Variants in FOXP1 observed in about 807,000 individuals in gnomAD.
FOXP1 encodes the protein forkhead box protein P1.
Under a neutral mutation model 98.2 loss-of-function variants are expected in FOXP1, and 15 were observed. That is an observed-to-expected ratio of 0.15 (90% CI 0.10 to 0.24). FOXP1 has a LOEUF of 0.24. FOXP1 is among the 10% of genes least tolerant of loss of function. FOXP1 has a pLI of 1.00. For synonymous variants in FOXP1, 371 were observed against 314.5 expected (o/e 1.18, Z -1.90); for missense variants, 633 against 848.5 (o/e 0.75, Z 3.15).
intron 3 of FOXP1, among the ~76,000 whole-genome samples, chr3:71,388,576 A>G (rs1393214639): frequency 6.6e-6 from 1 of 152,220 alleles, no homozygotes; most frequent in Non-Finnish European, 1.5e-5. Flanking sequence ...CCTGTTGACT[A>G]TTAGGGCTTT....
chr3:71,393,679 T>C (rs1486244666), intron 3 of FOXP1, among the ~76,000 whole-genome samples: 2 of 152,208 alleles, frequency 1.3e-5, no homozygotes, highest in African/African-American at 4.8e-5. Flanking sequence ...TGCAAAATTC[T>C]CTAAACTTAA....
At chr3:71,314,994 G>A (rs551462640) in intron 4 of FOXP1, among the ~76,000 whole-genome samples, 5 of 144,446 alleles carry the variant, frequency 3.5e-5, no homozygotes, top group Non-Finnish European at 7.5e-5. Context: ...TGGCTGAACT[G>A]TGCCTCAGAA....
chr3:71,063,437 C>CA (rs2051825943), intron 7 of FOXP1, among the ~76,000 whole-genome samples: 2 of 152,254 alleles, frequency 1.3e-5, no homozygotes, highest in Admixed American at 1.3e-4. Context: ...TTGGCAGTGA[C>CA]ATGCTAGCTT....
chr3:71,174,022 C>G (rs2061788214), intron 6 of FOXP1, among the ~76,000 whole-genome samples: 1 of 152,170 alleles, frequency 6.6e-6, no homozygotes, highest in Non-Finnish European at 1.5e-5. Flanking sequence ...TATGCATGGT[C>G]TAGGAAGGGT....
At chr3:70,970,428 T>A in intron 19 of FOXP1, 1 of 412,566 alleles carries the variant, frequency 2.4e-6, no homozygotes, top group South Asian at 2.2e-5. Flanking sequence ...CTAGAGTAAT[T>A]ACACTTGTGG....
chr3:70,996,498 C>T (rs1199952336), intron 13 of FOXP1, among the ~76,000 whole-genome samples: 2 of 152,224 alleles, frequency 1.3e-5, no homozygotes, highest in East Asian at 3.8e-4. Flanking sequence ...CCACTATCCC[C>T]TATGGCTAAC....
chr3:71,337,954 C>A lies in FOXP1; in HGVS notation c.-73+21196G>T, dbSNP rs61746309. Among the ~76,000 whole-genome samples, 1,035 of 152,300 alleles carry A rather than the reference C, an allele frequency of 6.8e-3. 30 individuals carry two copies. Among genetic ancestry groups the A allele is most frequent in the Non-Finnish European group, 3.9e-3 (264 of 68,038 alleles). The stretch of plus-strand genomic sequence containing the variant: ...TACACAAGGAGGACGAGGAAGCGCT[C>A]GTTTCACAGGGCTGGACATCCTTAG... On this transcript the variant is annotated intron_variant, in intron 4 of 20. Transcript: ENST00000649528.
intron 12 of FOXP1, among the ~76,000 whole-genome samples, chr3:71,005,329 A>AAG (rs2042644023): frequency 6.7e-6 from 1 of 149,280 alleles, no homozygotes; most frequent in Admixed American, 6.7e-5. Flanking sequence ...AAAAAAAAAA[A>AAG]AAAAAAAAAA....
intron 2 of FOXP1, among the ~76,000 whole-genome samples, chr3:71,513,045 T>C (rs1296143205): frequency 2.6e-5 from 4 of 152,118 alleles, no homozygotes; most frequent in African/African-American, 9.7e-5. Flanking sequence ...TCCAGTAGCA[T>C]TTACCAGGCA....
At chr3:71,539,701 T>C (rs1002641272) in intron 2 of FOXP1, among the ~76,000 whole-genome samples, 3 of 152,210 alleles carry the variant, frequency 2.0e-5, no homozygotes, top group African/African-American at 7.2e-5. Context: ...TCTTTTATTA[T>C]ATCTATTCCT....
chr3:71,508,982 C>G (rs1406446868), intron 2 of FOXP1, among the ~76,000 whole-genome samples: 1 of 152,174 alleles, frequency 6.6e-6, no homozygotes, highest in Non-Finnish European at 1.5e-5. Flanking sequence ...CTGCATTCAG[C>G]CCACTGGGAC....
chr3:71,359,168 C>T lies in FOXP1; in HGVS notation c.-91G>A, dbSNP rs17008544. The T allele has an allele frequency of 0.15, 22,867 of 152,092 alleles. 1,791 individuals carry two copies. Among genetic ancestry groups the T allele is most frequent in the Non-Finnish European group, 0.17 (11,718 of 68,010 alleles). 9.4% of individuals were successfully genotyped at this position (152,092 alleles called of 1,614,324 possible). Reference sequence around the variant, plus strand: ...CACTTACCCTGAAATTTTAACGTGTCTCACAGCCATAAAAAGCCTGGGGTC... The same window carrying T: ...CACTTACCCTGAAATTTTAACGTGTTTCACAGCCATAAAAAGCCTGGGGTC... On this transcript the variant is annotated 5_prime_UTR_variant, in exon 4 of 21. Transcript: ENST00000649528.
At chr3:71,367,298 T>C (rs1433250211) in intron 3 of FOXP1, among the ~76,000 whole-genome samples, 1 of 152,178 alleles carries the variant, frequency 6.6e-6, no homozygotes, top group Non-Finnish European at 1.5e-5. Context: ...TCAGCATTCA[T>C]CAGTGTCTCT....
At chr3:70,969,286 CTTTCATT>C (rs1432022541) in intron 19 of FOXP1, 1 of 152,146 alleles carries the variant, frequency 6.6e-6, no homozygotes, top group Non-Finnish European at 1.5e-5. Context: ...TCGAAGCATG[CTTTCATT>C]TACTCTTCTA....
intron 12 of FOXP1, among the ~76,000 whole-genome samples, chr3:71,003,580 C>T (rs1299251133): frequency 6.6e-6 from 1 of 152,120 alleles, no homozygotes; most frequent in African/African-American, 2.4e-5. Context: ...TTATTTTATA[C>T]TGCAAAGATG....
chr3:71,291,644 C>T (rs1472068518), intron 5 of FOXP1, among the ~76,000 whole-genome samples: 2 of 151,874 alleles, frequency 1.3e-5, no homozygotes, highest in African/African-American at 4.8e-5. Flanking sequence ...ACTGCATACA[C>T]ATAAAATCCT....
chr3:71,123,183 A>G (rs1470285291), intron 6 of FOXP1, among the ~76,000 whole-genome samples: 1 of 152,046 alleles, frequency 6.6e-6, no homozygotes, highest in Admixed American at 6.6e-5. Flanking sequence ...TCTGTCCACA[A>G]TCCAATTCCT....
chr3:71,063,955 A>T (rs1227378851), intron 7 of FOXP1, among the ~76,000 whole-genome samples: 2 of 152,152 alleles, frequency 1.3e-5, no homozygotes, highest in Non-Finnish European at 2.9e-5. Context: ...AGGGGTAAAA[A>T]GTCCCGTTTC....
rs757427310 is a variant in FOXP1, at chr3:70,977,844, G to A, written c.1332C>T (p.Asn444=). ...AGTATCTACCTGACGAAATGGGCACGTTGTATTTGTCTGAGTACCGCCTGC... is the reference window on the plus strand; with the variant it reads ...AGTATCTACCTGACGAAATGGGCACATTGTATTTGTCTGAGTACCGCCTGC... ...PIRRRYSDKY[N]VPISSADIAQ... Residue 444 remains asparagine (N), a synonymous_variant, in exon 15 of 21, where the codon AAC becomes AAT. Transcript: ENST00000649528. 11 of 1,614,048 alleles carry A rather than the reference G, an allele frequency of 6.8e-6. No individual in the cohort carries two copies. The highest frequency in any genetic ancestry group is 4.0e-5 in the African/African-American group (3 of 74,920).
Sources: allele counts gnomAD v4.1 joint callset (sites outside exome capture counted in the v4.1 genomes callset), GRCh38; gene constraint gnomAD v4.1.1; transcripts MANE v1.5; gene names NCBI Gene and HGNC (gene_info 2026-07-23, HGNC 2026-07-21).